TF: variants seen among roughly 807,000 people sequenced by gnomAD.
The protein encoded by TF is serotransferrin.
In TF, 55 loss-of-function variants were observed where a neutral mutation model predicts 82.4. That is an observed-to-expected ratio of 0.67 (90% confidence interval 0.54 to 0.84). TF has a LOEUF of 0.84. Among genes scored for constraint, TF ranks in the 40% least tolerant of loss-of-function variants. The pLI is 0.00. For missense variants in TF, 737 were observed against 868.4 expected (o/e 0.85, Z 1.90); for synonymous variants, 332 against 332.6 (o/e 1.00, Z 0.02).
chr3:133,779,633 G>T lies in TF; in HGVS notation c.*1013G>T, dbSNP rs757344660. 2 of 152,340 alleles carry T rather than the reference G, an allele frequency of 1.3e-5. No homozygotes were observed. Among genetic ancestry groups the T allele is most frequent in the Non-Finnish European group, 2.9e-5 (2 of 68,212 alleles). 9.4% of individuals were successfully genotyped at this position (152,340 alleles called of 1,614,324 possible). On this transcript the variant is annotated 3_prime_UTR_variant, in exon 17 of 17. Transcript: ENST00000402696. ...CTTCCTGGGGTTTTCTCTTGATCTG[G>T]TCAGTGCTCCTCTCACTTTGCAGGC... is the stretch of plus-strand genomic sequence containing the variant.
chr3:133,777,416 G>C, intron 16 of TF, 178 bp downstream of exon 16: 1 of 626,282 alleles, frequency 1.6e-6, no homozygotes, highest in Non-Finnish European at 2.8e-6. Flanking sequence ...TGTAGGGGCA[G>C]ATAGTAAGGG....
the TF span, among the ~76,000 whole-genome samples, chr3:133,711,868 T>G: frequency 6.6e-6 from 1 of 151,932 alleles, no homozygotes; most frequent in Non-Finnish European, 1.5e-5. Context: ...TCACCGTCAT[T>G]TTCTTGGTGG....
intron 14 of TF, among the ~76,000 whole-genome samples, chr3:133,771,189 A>C (rs1525889): frequency 0.3 from 45,557 of 152,162 alleles, 7,440 homozygotes; most frequent in South Asian, 0.42. Context: ...TGAAGTGCTC[A>C]AACAGTGATG....
At chr3:133,746,617 C>A in intron 1 of TF, 134 bp downstream of exon 1, 1 of 956,140 alleles carries the variant, frequency 1.0e-6, no homozygotes, top group Non-Finnish European at 1.6e-6. Flanking sequence ...CTTTCCATTG[C>A]CTCTCTACGC....
chr3:133,759,187 C>G lies in TF; in HGVS notation c.1061C>G (p.Pro354Arg), dbSNP rs1933917024. 1.2e-6 allele frequency: 2 copies of G among 1,614,140 alleles called. No homozygotes were observed. Among genetic ancestry groups the G allele is most frequent in the Non-Finnish European group, 1.7e-6 (2 of 1,180,044 alleles). ...TTTTATGCCATAGGCCCAGAAGCCCCAACAGATGAATGCAAGCCTGTGAAG... is the reference window on the plus strand; with the variant it reads ...TTTTATGCCATAGGCCCAGAAGCCCGAACAGATGAATGCAAGCCTGTGAAG... ...NLREGTCPEAPTDECKPVKWC... is the reference protein window; with the variant it reads ...NLREGTCPEARTDECKPVKWC... Residue 354 changes from proline to arginine, a missense_variant, in exon 9 of 17, where the codon CCA becomes CGA. Pro to Arg is a moderately radical substitution (Grantham distance 103). Transcript: ENST00000402696.
the TF span, among the ~76,000 whole-genome samples, chr3:133,738,622 A>G: frequency 6.6e-6 from 1 of 152,230 alleles, no homozygotes; most frequent in East Asian, 1.9e-4. Context: ...AAGTCTCAGG[A>G]TACAAAATCA....
chr3:133,778,658 G>T lies in TF; in HGVS notation c.*38G>T. ...AGGGCTGCCACCAAGGTGAAGATGG[G>T]AACGCAGATGATCCATGAGTTTGCC... On this transcript the variant is annotated 3_prime_UTR_variant, in exon 17 of 17. Coordinates refer to ENST00000402696, the MANE Select transcript of TF (RefSeq NM_001063.4). 2 of 1,610,496 alleles carry T rather than the reference G, an allele frequency of 1.2e-6. No individual in the cohort carries two copies. The highest frequency in any genetic ancestry group is 2.2e-5 in the South Asian group (2 of 90,596).
the TF span, among the ~76,000 whole-genome samples, chr3:133,683,827 GA>G: frequency 6.6e-6 from 1 of 152,150 alleles, no homozygotes; most frequent in Admixed American, 6.5e-5. Context: ...TCCAGGACTT[GA>G]ACTCAGCTCT....
In TF at chr3:133,764,952, A is replaced by G. The variant is rs368075075; in HGVS notation, c.1330+45A>G. On this transcript the variant is annotated intron_variant, in intron 11 of 16. Transcript: ENST00000402696. ...CTCTGGAGTTAAAAGATAAATTCCCATTGTTTTGGGGAATTGGTTAGATTT... is the reference window on the plus strand; with the variant it reads ...CTCTGGAGTTAAAAGATAAATTCCCGTTGTTTTGGGGAATTGGTTAGATTT... 3.1e-6 allele frequency: 5 copies of G among 1,597,322 alleles called. No homozygotes were observed. The East Asian group carries it at 8.9e-5, about 29-fold the overall frequency.
intron 14 of TF, among the ~76,000 whole-genome samples, chr3:133,771,597 C>T (rs1000349135): frequency 2.1e-4 from 32 of 151,324 alleles, no homozygotes; most frequent in African/African-American, 6.1e-4. Context: ...ATTAGCCGGG[C>T]GCGGTGGTGG....
intron 16 of TF, 51 bp downstream of exon 16, chr3:133,777,289 T>C: frequency 3.2e-6 from 5 of 1,583,788 alleles, no homozygotes; most frequent in Non-Finnish European, 3.4e-6. Context: ...TGGTGGTGAG[T>C]GCTGGGATGG....
At chr3:133,710,081 T>A in the TF span, 1 of 152,472 alleles carries the variant, frequency 6.6e-6, no homozygotes, top group Non-Finnish European at 1.5e-5. Flanking sequence ...ATGTTCATCC[T>A]CATCTCTCCC....
At chr3:133,749,088 G>A (rs2107908162) in intron 2 of TF, among the ~76,000 whole-genome samples, 1 of 152,296 alleles carries the variant, frequency 6.6e-6, no homozygotes, top group South Asian at 2.1e-4. Flanking sequence ...TTGAACCGGG[G>A]AGGCAGAGGT....
At chr3:133,718,845 G>A in the TF span, among the ~76,000 whole-genome samples, 1 of 152,198 alleles carries the variant, frequency 6.6e-6, no homozygotes, top group Non-Finnish European at 1.5e-5. Context: ...CCCTGAAATA[G>A]AGACACATGT....
At chr3:133,712,573 C>T in the TF span, 1 of 152,500 alleles carries the variant, frequency 6.6e-6, no homozygotes, top group Non-Finnish European at 1.5e-5. Context: ...GTGTCTTTAT[C>T]AGGCAATTTT....
the TF span, among the ~76,000 whole-genome samples, chr3:133,734,658 A>C: frequency 6.6e-6 from 1 of 152,230 alleles, no homozygotes; most frequent in Admixed American, 6.5e-5. Context: ...ATATCTGAAA[A>C]TCCTCATTTT....
Position 133,757,000 on chromosome 3 carries a change from C to T in TF, c.861C>T (p.Asn287=), listed in dbSNP as rs1290167098. ...AGGACTTGATCTGGGAGCTTCTCAACCAGGCCCAGGTATCCCCACCTGCCA... is the reference window on the plus strand; with the variant it reads ...AGGACTTGATCTGGGAGCTTCTCAATCAGGCCCAGGTATCCCCACCTGCCA... ...GKEDLIWELL[N]QAQEHFGKDK... Residue 287 remains asparagine, a synonymous_variant, in exon 7 of 17, where the codon AAC becomes AAT. Transcript: ENST00000402696. 1 of 1,614,158 alleles carries T rather than the reference C, an allele frequency of 6.2e-7. No homozygotes were observed. Among genetic ancestry groups the T allele is most frequent in the Non-Finnish European group, 8.5e-7 (1 of 1,180,018 alleles).
At chr3:133,677,977 A>G in the TF span, among the ~76,000 whole-genome samples, 4 of 152,156 alleles carry the variant, frequency 2.6e-5, no homozygotes, top group Non-Finnish European at 5.9e-5. Context: ...CGTCATCTAC[A>G]TTAGGTTTTT....
chr3:133,775,672 C>CG, intron 15 of TF, 55 bp downstream of exon 15: 1 of 1,586,002 alleles, frequency 6.3e-7, no homozygotes, highest in Non-Finnish European at 8.6e-7. Flanking sequence ...ATAGGCTATT[C>CG]GGGGGGAGTT....
Sources: gnomAD v4.1 joint callset for allele counts (sites outside exome capture counted in the v4.1 genomes callset) on GRCh38, gnomAD v4.1.1 for gene constraint, MANE v1.5 for transcripts, NCBI Gene and HGNC (gene_info 2026-07-23, HGNC 2026-07-21) for gene names.